Variants in SPAG16 observed in about 807,000 individuals in gnomAD.
SPAG16 encodes the protein sperm associated antigen 16, also known as sperm-associated antigen 16 protein.
Under a neutral mutation model 80.4 loss-of-function variants are expected in SPAG16, and 86 were observed. The ratio of observed to expected loss-of-function variants is 1.07; its 90% CI spans 0.90 to 1.28. The LOEUF is 1.28. SPAG16 is among the 50% of genes most tolerant of loss of function. The probability of loss-of-function intolerance (pLI) is 0.00; values close to 1 mark genes in which losing one functional copy is unlikely to be tolerated. For synonymous variants in SPAG16, 294 were observed against 265.9 expected (o/e 1.11, Z -1.03); for missense variants, 870 against 765.3 (o/e 1.14, Z -1.61).
intron 11 of SPAG16, among the ~76,000 whole-genome samples, chr2:213,882,185 A>G (rs1575446097): frequency 6.6e-6 from 1 of 152,142 alleles, no homozygotes; most frequent in South Asian, 2.1e-4. Context: ...AAAGCCTACT[A>G]CATCATGGTT....
At chr2:214,069,160 C>T (rs1190226506) in intron 13 of SPAG16, among the ~76,000 whole-genome samples, 1 of 152,082 alleles carries the variant, frequency 6.6e-6, no homozygotes, top group Non-Finnish European at 1.5e-5. Context: ...TTGAAGGACA[C>T]TTAAATCTTT....
intron 7 of SPAG16, among the ~76,000 whole-genome samples, chr2:213,363,587 T>C (rs2066115580): frequency 6.6e-6 from 1 of 152,072 alleles, no homozygotes; most frequent in Non-Finnish European, 1.5e-5. Flanking sequence ...ACAAAAGTTC[T>C]TAGTTATAAG....
intron 10 of SPAG16, among the ~76,000 whole-genome samples, chr2:213,591,642 G>A (rs929222793): frequency 5.3e-5 from 8 of 152,168 alleles, no homozygotes; most frequent in African/African-American, 1.4e-4. Context: ...AGGTTTTGTG[G>A]TGGGGAGAGA....
chr2:213,591,710 G>A (rs1408420982), intron 10 of SPAG16, among the ~76,000 whole-genome samples: 1 of 152,136 alleles, frequency 6.6e-6, no homozygotes, highest in Non-Finnish European at 1.5e-5. Flanking sequence ...CCAAGGAACA[G>A]TGTGTGTGGC....
At chr2:213,316,778 C>G (rs1026633989) in intron 4 of SPAG16, among the ~76,000 whole-genome samples, 1 of 152,052 alleles carries the variant, frequency 6.6e-6, no homozygotes, top group Non-Finnish European at 1.5e-5. Flanking sequence ...TCAGATATCA[C>G]TTTGTCAGTC....
At chr2:213,596,747 A>G (rs1308168083) in intron 10 of SPAG16, among the ~76,000 whole-genome samples, 1 of 152,154 alleles carries the variant, frequency 6.6e-6, no homozygotes, top group African/African-American at 2.4e-5. Context: ...AGATCAGTAT[A>G]CACCAATTGT....
chr2:213,404,329 A>G (rs992831633), intron 9 of SPAG16, among the ~76,000 whole-genome samples: 1 of 152,220 alleles, frequency 6.6e-6, no homozygotes, highest in African/African-American at 2.4e-5. Flanking sequence ...TACAGTAACC[A>G]AAACAGCATG....
chr2:214,387,316 TCATA>T (rs1477735206), intron 15 of SPAG16, among the ~76,000 whole-genome samples: 3 of 152,210 alleles, frequency 2.0e-5, no homozygotes, highest in Non-Finnish European at 4.4e-5. Context: ...AGTAGAATTA[TCATA>T]TATATGTTAT....
chr2:213,904,141 T>TGGAACAGG (rs1356464479), intron 11 of SPAG16, among the ~76,000 whole-genome samples: 3 of 152,240 alleles, frequency 2.0e-5, no homozygotes, highest in Non-Finnish European at 2.9e-5. Context: ...TTCCAACCTC[T>TGGAACAGG]GCCTGTTACC....
chr2:213,558,256 A>T (rs1031657210), intron 10 of SPAG16, among the ~76,000 whole-genome samples: 2 of 152,256 alleles, frequency 1.3e-5, no homozygotes, highest in Admixed American at 6.5e-5. Flanking sequence ...TAAAAATTTT[A>T]AAAATGAAAC....
chr2:214,228,398 G>T (rs966976371), intron 15 of SPAG16, among the ~76,000 whole-genome samples: 2 of 151,808 alleles, frequency 1.3e-5, no homozygotes, highest in African/African-American at 4.8e-5. Context: ...GCATTCATAG[G>T]AAATATTTTA....
chr2:214,065,310 C>T (rs1184339281), intron 13 of SPAG16, among the ~76,000 whole-genome samples: 1 of 151,956 alleles, frequency 6.6e-6, no homozygotes, highest in African/African-American at 2.4e-5. Context: ...GGATTTTGAC[C>T]TCAAATCGAT....
At chr2:214,284,931 A>G (rs1309473945) in intron 15 of SPAG16, among the ~76,000 whole-genome samples, 1 of 152,174 alleles carries the variant, frequency 6.6e-6, no homozygotes, top group Admixed American at 6.5e-5. Flanking sequence ...GTAGGACCAC[A>G]ATCAACAGAT....
intron 11 of SPAG16, among the ~76,000 whole-genome samples, chr2:213,867,353 A>C (rs1488842455): frequency 1.3e-5 from 2 of 152,214 alleles, no homozygotes; most frequent in East Asian, 3.9e-4. Context: ...GAAAGAAGAA[A>C]ATGTACATTG....
At chr2:213,976,188 G>A (rs574151646) in intron 12 of SPAG16, among the ~76,000 whole-genome samples, 16 of 147,426 alleles carry the variant, frequency 1.1e-4, no homozygotes, top group Middle Eastern at 3.5e-3. Flanking sequence ...ATGTATGTGC[G>A]TATGTGTATA....
chr2:213,911,704 CAT>C (rs927827332), intron 11 of SPAG16, among the ~76,000 whole-genome samples: 3 of 151,824 alleles, frequency 2.0e-5, no homozygotes, highest in African/African-American at 7.3e-5. Context: ...CACACAAAAA[CAT>C]ATTCTCCATG....
chr2:213,670,001 C>CTTT (rs796432477), intron 10 of SPAG16, among the ~76,000 whole-genome samples: 14 of 143,612 alleles, frequency 9.7e-5, no homozygotes, highest in African/African-American at 3.3e-4. Flanking sequence ...TGTTCTAATT[C>CTTT]TTTTTTTTTT....
At chr2:214,150,674 A>G (rs2055931403) in intron 15 of SPAG16, among the ~76,000 whole-genome samples, 1 of 152,026 alleles carries the variant, frequency 6.6e-6, no homozygotes, top group Non-Finnish European at 1.5e-5. Flanking sequence ...GAAATTTCAA[A>G]ATTTTGTCTG....
chr2:213,633,444 T>G (rs925621386), intron 10 of SPAG16, among the ~76,000 whole-genome samples: 1 of 152,190 alleles, frequency 6.6e-6, no homozygotes, highest in Non-Finnish European at 1.5e-5. Flanking sequence ...TGCTCTAATA[T>G]ATAGTCTATC....
Sources: gnomAD v4.1 joint callset for allele counts (sites outside exome capture counted in the v4.1 genomes callset) on GRCh38, gnomAD v4.1.1 for gene constraint, MANE v1.5 for transcripts, NCBI Gene and HGNC (gene_info 2026-07-23, HGNC 2026-07-21) for gene names.